QRSL1: variants seen among roughly 807,000 people sequenced by gnomAD.
The protein encoded by QRSL1 is glutaminyl-tRNA amidotransferase subunit QRSL1.
Under a neutral mutation model 61.6 loss-of-function variants are expected in QRSL1, and 54 were observed. That is an observed-to-expected ratio of 0.88 (90% confidence interval 0.70 to 1.10). The LOEUF is 1.10. QRSL1 is among the 50% of genes least tolerant of loss of function. The pLI is 0.00. For missense variants in QRSL1, 505 were observed against 622.6 expected (o/e 0.81, Z 2.01); for synonymous variants, 228 against 225.7 (o/e 1.01, Z -0.09).
At chr6:106,647,802 C>T (rs1401240428) in intron 4 of QRSL1, among the ~76,000 whole-genome samples, 3 of 148,048 alleles carry the variant, frequency 2.0e-5, no homozygotes, top group South Asian at 2.2e-4. Flanking sequence ...AGGCGCCCGC[C>T]ACCACGCCCG....
intron 4 of QRSL1, among the ~76,000 whole-genome samples, chr6:106,648,284 G>A (rs1378093807): frequency 1.3e-5 from 2 of 151,664 alleles, no homozygotes; most frequent in African/African-American, 4.8e-5. Context: ...AGTAGAGCGA[G>A]ACTCGTCTCA....
intron 4 of QRSL1, among the ~76,000 whole-genome samples, chr6:106,645,688 T>G (rs1019527472): frequency 3.3e-5 from 5 of 152,248 alleles, no homozygotes; most frequent in Admixed American, 2.6e-4. Context: ...CCCAAAGTGT[T>G]GGGATTATAG....
At position 106,639,124 on chromosome 6, in the gene QRSL1, T is replaced by TTG. The variant is rs559014338; in HGVS notation, c.25-1224_25-1223insGT. On this transcript the variant is annotated intron_variant, in intron 1 of 10. Transcript: ENST00000369046. ...GGTTATTTGTGTGTTTTGTTGTTTTTTTTTTTTTTTTTTTTTTTTTTTGAC... is the reference window on the plus strand; with the variant it reads ...GGTTATTTGTGTGTTTTGTTGTTTTTTGTTTTTTTTTTTTTTTTTTTTTTGAC... Among the ~76,000 whole-genome samples, 81 of 35,432 alleles carry TTG rather than the reference T, an allele frequency of 2.3e-3. 3 individuals carry two copies. The highest frequency in any genetic ancestry group is 5.5e-3 in the African/African-American group (65 of 11,820). The allele number at this position is 35,432 out of a possible 152,430, so 23.2% of individuals were successfully genotyped here. A position where few individuals can be genotyped will look rare whatever the true frequency, so the allele number is the denominator to read the frequency against.
intron 3 of QRSL1, 45 bp downstream of exon 3, chr6:106,640,966 G>A (rs951114426): frequency 7.1e-7 from 1 of 1,412,928 alleles, no homozygotes; most frequent in Non-Finnish European, 9.9e-7. Context: ...ATAAAAATAG[G>A]TATTTTTCGC....
intron 1 of QRSL1, among the ~76,000 whole-genome samples, chr6:106,635,975 G>A (rs1030115744): frequency 6.6e-6 from 1 of 152,076 alleles, no homozygotes; most frequent in African/African-American, 2.4e-5. Flanking sequence ...ATGCCAAAAT[G>A]TCTTGCATAG....
At chr6:106,658,503 A>G (rs978208977) in intron 9 of QRSL1, among the ~76,000 whole-genome samples, 2 of 152,148 alleles carry the variant, frequency 1.3e-5, no homozygotes, top group African/African-American at 4.8e-5. Context: ...GCACTGAGCT[A>G]TAATCGCACC....
At chr6:106,646,542 T>TA (rs1468539738) in intron 4 of QRSL1, among the ~76,000 whole-genome samples, 1 of 152,054 alleles carries the variant, frequency 6.6e-6, no homozygotes, top group African/African-American at 2.4e-5. Context: ...TCATGCCTGT[T>TA]ATCTCAGCAC....
intron 1 of QRSL1, among the ~76,000 whole-genome samples, chr6:106,630,090 T>C (rs1776786527): frequency 6.6e-6 from 1 of 152,148 alleles, no homozygotes; most frequent in African/African-American, 2.4e-5. Flanking sequence ...GGCGAAACTG[T>C]AGTTTGCAAA....
Position 106,632,849 on chromosome 6 carries a change from C to T in QRSL1, c.24+3144C>T, listed in dbSNP as rs552099987. On this transcript the variant is annotated intron_variant, in intron 1 of 10. Transcript: ENST00000369046. ...AGTTGTTTGAACTCCTTATATACTT[C>T]GGTTATCAATCCCTTGTCAGCTGGA... Among the ~76,000 whole-genome samples the T allele has an allele frequency of 6.6e-5, 10 of 152,256 alleles. No homozygotes were observed. The South Asian group carries it at 1.0e-3, about 16-fold the overall frequency.
chr6:106,639,837 A>G (rs191473797), intron 1 of QRSL1, among the ~76,000 whole-genome samples: 163 of 152,040 alleles, frequency 1.1e-3, no homozygotes, highest in African/African-American at 3.5e-3. Flanking sequence ...TTGCCTTTGA[A>G]CCCGTATTTT....
In QRSL1 at chr6:106,649,175, T is replaced by C; in HGVS notation, c.531T>C (p.Ala177=). ...GAGGAAGCTCAGGTGGGAGTGCAGC[T>C]GCTGTATCGGCGTTCACATGCTACG... ...ITGGSSGGSA[A]AVSAFTCYAA... is the part of the protein sequence containing the mutation. The change falls in exon 5 of 11, where the codon GCT becomes GCC. Residue 177 remains alanine (A), a synonymous_variant. Transcript: ENST00000369046. 1 of 1,614,198 alleles carries C rather than the reference T, an allele frequency of 6.2e-7. No individual in the cohort carries two copies.
intron 4 of QRSL1, among the ~76,000 whole-genome samples, chr6:106,646,467 A>T (rs764633432): frequency 4.6e-5 from 7 of 152,134 alleles, no homozygotes; most frequent in Non-Finnish European, 8.8e-5. Context: ...AGGATAAGAG[A>T]TAAAGAAAGT....
At chr6:106,631,799 C>T (rs1776838198) in intron 1 of QRSL1, among the ~76,000 whole-genome samples, 1 of 152,178 alleles carries the variant, frequency 6.6e-6, no homozygotes, top group Admixed American at 6.5e-5. Flanking sequence ...TTTATCATTT[C>T]TTTGTGTTAC....
Position 106,667,893 on chromosome 6 carries a change from TATG to T in QRSL1, c.*1895_*1897del, listed in dbSNP as rs1777466492. 6.6e-6 allele frequency: 1 copy of T among 151,548 alleles called. No individual in the cohort carries two copies. Among genetic ancestry groups the T allele is most frequent in the African/African-American group, 2.4e-5 (1 of 41,172 alleles). The allele number at this position is 151,548 out of a possible 1,614,324, so 9.4% of individuals were successfully genotyped here. A position where few individuals can be genotyped will look rare whatever the true frequency, so the allele number is the denominator to read the frequency against. On this transcript the variant is annotated 3_prime_UTR_variant, in exon 11 of 11. Transcript: ENST00000369046. ...AAACCATTTTAGTTGAAGGAGCAAA[TATG>T]ATGTCAAAAGCAAGTAAATAAACAA...
rs1777444312 is a variant in QRSL1, at chr6:106,666,866, T to A, written c.*864T>A. The A allele has an allele frequency of 6.6e-6, 1 of 152,242 alleles. No individual in the cohort carries two copies. Among genetic ancestry groups the A allele is most frequent in the African/African-American group, 2.4e-5 (1 of 41,466 alleles). The allele number at this position is 152,242 out of a possible 1,614,324, so 9.4% of individuals were successfully genotyped here. On this transcript the variant is annotated 3_prime_UTR_variant, in exon 11 of 11. Coordinates refer to ENST00000369046, the MANE Select transcript of QRSL1 (RefSeq NM_018292.5). ...CAGAATCATGCAAATCTCAGGGGTA[T>A]GCCTCTCTGGGGAGGAGCTCCACTT... is the stretch of plus-strand genomic sequence containing the variant.
In QRSL1 at chr6:106,643,021, T is replaced by C; in HGVS notation, c.311T>C (p.Val104Ala). 1 of 1,612,906 alleles carries C rather than the reference T, an allele frequency of 6.2e-7. No individual in the cohort carries two copies. Among genetic ancestry groups the C allele is most frequent in the Non-Finnish European group, 8.5e-7 (1 of 1,179,458 alleles). Residue 104 changes from valine (V) to alanine (A), a missense_variant, in exon 4 of 11, where the codon GTA becomes GCA. Val to Ala is a moderately conservative substitution (Grantham distance 64). Transcript: ENST00000369046. ...TATATACCACCTTATAATGCTACAGTAGTTCAGAAGTTGTTGGATCAGGGA... is the reference window on the plus strand; with the variant it reads ...TATATACCACCTTATAATGCTACAGCAGTTCAGAAGTTGTTGGATCAGGGA... ...KGYIPPYNAT[V>A]VQKLLDQGAL...
chr6:106,644,167 C>T (rs1050578451), intron 4 of QRSL1, among the ~76,000 whole-genome samples: 3 of 152,124 alleles, frequency 2.0e-5, no homozygotes, highest in African/African-American at 4.8e-5. Flanking sequence ...CCACCACGCC[C>T]GGCCTTCTTT....
intron 1 of QRSL1, among the ~76,000 whole-genome samples, chr6:106,633,839 G>A (rs1040963521): frequency 9.2e-5 from 14 of 152,160 alleles, no homozygotes; most frequent in African/African-American, 3.1e-4. Context: ...CTAACATTTA[G>A]TGAGTACCTC....
At chr6:106,639,131 T>TG (rs1554200750) in intron 1 of QRSL1, among the ~76,000 whole-genome samples, 17,375 of 138,572 alleles carry the variant, frequency 0.13, 1,492 homozygotes, top group East Asian at 0.21. Context: ...TTTTTTTTTT[T>TG]TTTTTTTTTT....
Sources: gnomAD v4.1 joint callset for allele counts (sites outside exome capture counted in the v4.1 genomes callset) on GRCh38, gnomAD v4.1.1 for gene constraint, MANE v1.5 for transcripts, NCBI Gene and HGNC (gene_info 2026-07-23, HGNC 2026-07-21) for gene names.